The following ZNF536 variants were observed in gnomAD, a reference collection of about 807,000 sequenced individuals.
The protein encoded by ZNF536 is zinc finger protein 536.
ZNF536 carries 13 observed loss-of-function variants against 84.5 expected under a neutral mutation model. The observed-to-expected ratio is 0.15, with a 90% CI of 0.10 to 0.24. The LOEUF is 0.24. Ranked by LOEUF, ZNF536 falls within the 10% of genes least tolerant of loss-of-function variation. The pLI, the probability that ZNF536 is intolerant of heterozygous loss-of-function variation, is 1.00. For missense variants in ZNF536, 1,536 were observed against 1,747.5 expected (o/e 0.88, Z 2.16); for synonymous variants, 811 against 742.5 (o/e 1.09, Z -1.50).
Position 30,232,378 on chromosome 19 carries a change from C to T in ZNF536, c.-190+3705C>T, listed in dbSNP as rs990020765. Among the ~76,000 whole-genome samples, 233 of 152,222 alleles carry T rather than the reference C, an allele frequency of 1.5e-3. 2 individuals carry two copies. The highest frequency in any genetic ancestry group is 6.2e-4 in the South Asian group (3 of 4,814). On this transcript the variant is annotated intron_variant, in intron 1 of 5. Transcript: ENST00000585628. Reference sequence around the variant, plus strand: ...CTGAGGTCTGGGGTACAATGCATCCCGTCACCCAGGTAGTGAGCATGGCAC... The same window carrying T: ...CTGAGGTCTGGGGTACAATGCATCCTGTCACCCAGGTAGTGAGCATGGCAC...
intron 1 of ZNF536, among the ~76,000 whole-genome samples, chr19:30,243,471 T>C (rs1482794916): frequency 6.6e-6 from 1 of 152,212 alleles, no homozygotes; most frequent in East Asian, 1.9e-4. Flanking sequence ...CTGGGAAACA[T>C]TTGGTATTTT....
intron 1 of ZNF536, among the ~76,000 whole-genome samples, chr19:30,440,920 TAGATAGATAGATAGATA>T (rs2052012985): frequency 6.6e-6 from 1 of 151,330 alleles, no homozygotes; most frequent in African/African-American, 2.4e-5. Flanking sequence ...GATAGATAGA[TAGATAGATAGATAGATA>T]GATTTGAAAA....
chr19:30,562,775 C>T (rs144673515), downstream of ZNF536, among the ~76,000 whole-genome samples: 19 of 152,024 alleles, frequency 1.2e-4, no homozygotes, highest in African/African-American at 3.9e-4. Context: ...CTTGCACTCA[C>T]GGGGCACGGA....
At chr19:30,691,730 G>C (rs1435797775) in intron 1 of ZNF536, among the ~76,000 whole-genome samples, 2 of 151,944 alleles carry the variant, frequency 1.3e-5, no homozygotes, top group East Asian at 1.9e-4. Flanking sequence ...GGCATCATCA[G>C]AGTTTTAAAA....
intron 1 of ZNF536, among the ~76,000 whole-genome samples, chr19:30,672,840 G>T (rs1466386792): frequency 6.6e-6 from 1 of 152,158 alleles, no homozygotes; most frequent in East Asian, 1.9e-4. Context: ...TTTGAAGCAG[G>T]TGATCCCTGT....
chr19:30,496,490 G>A (rs2054724282), intron 2 of ZNF536, among the ~76,000 whole-genome samples: 1 of 152,192 alleles, frequency 6.6e-6, no homozygotes, highest in African/African-American at 2.4e-5. Flanking sequence ...TCCCATGCCA[G>A]AGCACTGAGC....
chr19:30,580,673 C>T (rs553799396), intron 1 of ZNF536, among the ~76,000 whole-genome samples: 1 of 152,344 alleles, frequency 6.6e-6, no homozygotes, highest in African/African-American at 2.4e-5. Context: ...CCTCTGGGTT[C>T]AGGCTCCTAT....
At chr19:30,668,036 G>T (rs550241220) in intron 1 of ZNF536, among the ~76,000 whole-genome samples, 1 of 152,090 alleles carries the variant, frequency 6.6e-6, no homozygotes, top group African/African-American at 2.4e-5. Context: ...TATCGAAATG[G>T]CATGTAATTG....
At chr19:30,657,714 G>A (rs1326724889) in intron 1 of ZNF536, among the ~76,000 whole-genome samples, 6 of 152,114 alleles carry the variant, frequency 3.9e-5, no homozygotes, top group African/African-American at 1.4e-4. Flanking sequence ...TGTTCTCTTT[G>A]ACTTCTCCAC....
chr19:30,431,081 C>T (rs1296914411), intron 1 of ZNF536, among the ~76,000 whole-genome samples: 4 of 152,160 alleles, frequency 2.6e-5, no homozygotes, highest in Admixed American at 6.5e-5. Context: ...GATCACGGTT[C>T]GAAATTGGTC....
intron 3 of ZNF536, among the ~76,000 whole-genome samples, chr19:30,362,308 C>T (rs1225443473): frequency 5.3e-5 from 8 of 152,208 alleles, no homozygotes; most frequent in South Asian, 4.2e-4. Flanking sequence ...TAGTGAGCTC[C>T]GGAAGATGAG....
In ZNF536 at chr19:30,450,501, C is replaced by T. The variant is rs185261750; in HGVS notation, c.2170+4769C>T. Among the ~76,000 whole-genome samples the T allele has an allele frequency of 2.9e-3, 443 of 152,308 alleles. 2 individuals carry two copies. The highest frequency in any genetic ancestry group is 5.9e-3 in the Admixed American group (91 of 15,304). ...ATTAAAAAGGACTTGGGGAGACCCC[C>T]CTGGGCATGGTGGCAGCTAATCTCT... On this transcript the variant is annotated intron_variant, in intron 2 of 4. Coordinates refer to ENST00000355537, the MANE Select transcript of ZNF536 (RefSeq NM_014717.3).
intron 3 of ZNF536, among the ~76,000 whole-genome samples, chr19:30,535,576 G>A (rs902451001): frequency 6.6e-6 from 1 of 152,086 alleles, no homozygotes; most frequent in Non-Finnish European, 1.5e-5. Flanking sequence ...TTAGGCAAAG[G>A]GGGGCAAGTG....
chr19:30,268,942 G>A (rs552723264), intron 1 of ZNF536, among the ~76,000 whole-genome samples: 43 of 152,288 alleles, frequency 2.8e-4, no homozygotes, highest in Middle Eastern at 3.4e-3. Context: ...GTTTGCGAAT[G>A]GTTCTAAGTC....
intron 1 of ZNF536, among the ~76,000 whole-genome samples, chr19:30,237,780 T>TC (rs2023646731): frequency 6.6e-6 from 1 of 152,090 alleles, no homozygotes; most frequent in African/African-American, 2.4e-5. Flanking sequence ...AAGTTCTTTT[T>TC]TTTTTTGCAT....
intron 2 of ZNF536, among the ~76,000 whole-genome samples, chr19:30,450,497 C>T (rs923494458): frequency 6.6e-6 from 1 of 150,784 alleles, no homozygotes; most frequent in Admixed American, 6.6e-5. Context: ...CTTGGGGAGA[C>T]CCCCCTGGGC....
chr19:30,666,846 A>ATATATG (rs1555832251), intron 1 of ZNF536, among the ~76,000 whole-genome samples: 3 of 150,686 alleles, frequency 2.0e-5, no homozygotes, highest in East Asian at 1.9e-4. Context: ...ATATATATAT[A>ATATATG]TATGTATGTA....
At chr19:30,434,193 T>G (rs1407810803) in intron 1 of ZNF536, among the ~76,000 whole-genome samples, 1 of 152,206 alleles carries the variant, frequency 6.6e-6, no homozygotes, top group East Asian at 1.9e-4. Context: ...TACAGGAGAA[T>G]GTGGAATAAT....
At chr19:30,317,972 G>A (rs1168349930) in intron 2 of ZNF536, among the ~76,000 whole-genome samples, 1 of 152,172 alleles carries the variant, frequency 6.6e-6, no homozygotes, top group Non-Finnish European at 1.5e-5. Context: ...TACGCTGCAG[G>A]CTAAGCGACC....
Sources: gnomAD v4.1 joint callset for allele counts (sites outside exome capture counted in the v4.1 genomes callset) on GRCh38, gnomAD v4.1.1 for gene constraint, MANE v1.5 for transcripts, NCBI Gene and HGNC (gene_info 2026-07-23, HGNC 2026-07-21) for gene names.